The following CADM2 variants were observed in gnomAD, a reference collection of about 807,000 sequenced individuals.
CADM2 encodes cell adhesion molecule 2, also known as immunoglobulin superfamily member 4D.
Under a neutral mutation model 49.8 loss-of-function variants are expected in CADM2, and 12 were observed. The ratio of observed to expected loss-of-function variants is 0.24; its 90% CI spans 0.15 to 0.39. The LOEUF is 0.39. CADM2 is among the 10% of genes least tolerant of loss of function. CADM2 has a pLI of 1.00. For missense variants in CADM2, 378 were observed against 492.3 expected (o/e 0.77, Z 2.20); for synonymous variants, 214 against 175.4 (o/e 1.22, Z -1.74).
At chr3:85,535,881 C>T (rs535081690) in intron 1 of CADM2, among the ~76,000 whole-genome samples, 21 of 152,184 alleles carry the variant, frequency 1.4e-4, no homozygotes, top group Non-Finnish European at 1.9e-4. Flanking sequence ...AGGTAGCTGT[C>T]GTATGGTAAT....
chr3:85,432,471 G>A (rs902283823), intron 1 of CADM2, among the ~76,000 whole-genome samples: 2 of 152,090 alleles, frequency 1.3e-5, no homozygotes, highest in African/African-American at 2.4e-5. Context: ...CCCTCAAATC[G>A]TGAGAAGGGT....
At chr3:85,448,429 TC>T (rs1280510503) in intron 1 of CADM2, among the ~76,000 whole-genome samples, 2 of 152,066 alleles carry the variant, frequency 1.3e-5, no homozygotes, top group Admixed American at 6.5e-5. Flanking sequence ...GATATTTAAA[TC>T]GTTGTTCTGC....
chr3:85,500,019 CTT>C (rs2040051386), intron 1 of CADM2, among the ~76,000 whole-genome samples: 1 of 152,162 alleles, frequency 6.6e-6, no homozygotes, highest in South Asian at 2.1e-4. Context: ...GATAGAAAGA[CTT>C]GGCCTATTGA....
intron 2 of CADM2, among the ~76,000 whole-genome samples, chr3:85,753,408 G>T (rs1276966910): frequency 6.6e-6 from 1 of 152,080 alleles, no homozygotes; most frequent in East Asian, 1.9e-4. Context: ...AAATGTGATT[G>T]CAAGAAGAAA....
intron 1 of CADM2, among the ~76,000 whole-genome samples, chr3:85,172,939 A>G (rs1417607460): frequency 1.4e-5 from 2 of 146,892 alleles, no homozygotes; most frequent in Non-Finnish European, 3.0e-5. Context: ...AATATATTAT[A>G]TAATATAATA....
intron 1 of CADM2, among the ~76,000 whole-genome samples, chr3:85,589,028 A>G (rs1235153875): frequency 2.0e-5 from 3 of 152,050 alleles, no homozygotes; most frequent in Non-Finnish European, 4.4e-5. Context: ...GTCAAAGGCT[A>G]TGCATTATGT....
intron 1 of CADM2, among the ~76,000 whole-genome samples, chr3:85,290,028 A>C (rs918048303): frequency 6.6e-6 from 1 of 152,168 alleles, no homozygotes; most frequent in Non-Finnish European, 1.5e-5. Flanking sequence ...CATCTGAGGT[A>C]CTGGTTTCAT....
At chr3:85,518,404 C>T (rs1324769614) in intron 1 of CADM2, among the ~76,000 whole-genome samples, 2 of 150,204 alleles carry the variant, frequency 1.3e-5, no homozygotes, top group Non-Finnish European at 2.9e-5. Flanking sequence ...ACCAACATTT[C>T]GTTTAAAACA....
intron 6 of CADM2, among the ~76,000 whole-genome samples, chr3:85,926,956 A>T (rs1719957258): frequency 6.6e-6 from 1 of 152,136 alleles, no homozygotes; most frequent in Non-Finnish European, 1.5e-5. Context: ...AAACTCATTG[A>T]AATGTGATTA....
intron 1 of CADM2, among the ~76,000 whole-genome samples, chr3:85,305,738 T>G (rs1051456224): frequency 6.6e-6 from 1 of 151,666 alleles, no homozygotes; most frequent in South Asian, 2.1e-4. Context: ...AATCTTCTCT[T>G]TTTTTCAGAG....
At chr3:85,923,664 C>T (rs536925763) in intron 6 of CADM2, among the ~76,000 whole-genome samples, 18 of 152,100 alleles carry the variant, frequency 1.2e-4, no homozygotes, top group African/African-American at 4.1e-4. Flanking sequence ...CCTATAAGCA[C>T]ATAAGGATTA....
At chr3:85,515,632 T>TATA (rs1491095321) in intron 1 of CADM2, among the ~76,000 whole-genome samples, 64 of 94,272 alleles carry the variant, frequency 6.8e-4, no homozygotes, top group African/African-American at 2.9e-3. Flanking sequence ...TATATATATA[T>TATA]TTTTTTTTTT....
At chr3:85,460,379 A>G (rs954460900) in intron 1 of CADM2, among the ~76,000 whole-genome samples, 4 of 152,166 alleles carry the variant, frequency 2.6e-5, no homozygotes, top group Admixed American at 6.5e-5. Context: ...GCTTACATAA[A>G]TTAATAATTG....
At chr3:85,517,613 G>A (rs2060935562) in intron 1 of CADM2, among the ~76,000 whole-genome samples, 1 of 149,374 alleles carries the variant, frequency 6.7e-6, no homozygotes, top group Admixed American at 6.6e-5. Flanking sequence ...ACTCAATTTT[G>A]TTAGATTTTA....
intron 2 of CADM2, among the ~76,000 whole-genome samples, chr3:85,738,970 C>T (rs1023594293): frequency 2.3e-4 from 35 of 152,132 alleles, no homozygotes; most frequent in Admixed American, 4.6e-4. Flanking sequence ...ATTGATTCCA[C>T]CACTTAACAG....
At chr3:85,217,327 A>G (rs1487314890) in intron 1 of CADM2, among the ~76,000 whole-genome samples, 1 of 151,894 alleles carries the variant, frequency 6.6e-6, no homozygotes, top group African/African-American at 2.4e-5. Context: ...TAGGATTGAA[A>G]TTAAGTTAGA....
At chr3:85,534,795 T>C (rs17516504) in intron 1 of CADM2, among the ~76,000 whole-genome samples, 77,911 of 152,048 alleles carry the variant, frequency 0.51, 23,049 homozygotes, top group East Asian at 0.85. Flanking sequence ...TTTCAAGGTC[T>C]CTATCTTCTA....
At chr3:85,809,656 C>A (rs1036167355) in intron 3 of CADM2, among the ~76,000 whole-genome samples, 13 of 142,932 alleles carry the variant, frequency 9.1e-5, no homozygotes, top group African/African-American at 3.4e-4. Context: ...GAAACATTTT[C>A]TCCCTTCCTT....
rs1462497649 is a variant in CADM2, at chr3:86,026,997, A to G, written c.971-38608A>G. 5.3e-5 allele frequency among the ~76,000 whole-genome samples: 8 copies of G among 152,206 alleles called. No homozygotes were observed. The East Asian group carries it at 1.3e-3, about 26-fold the overall frequency. Reference sequence around the variant, plus strand: ...GAGAAAATGGACTTTGATTATTTTCAAAAGGATATTAGATTTATAATACTC... The same window carrying G: ...GAGAAAATGGACTTTGATTATTTTCGAAAGGATATTAGATTTATAATACTC... On this transcript the variant is annotated intron_variant, in intron 8 of 9. Coordinates refer to ENST00000383699, the MANE Select transcript of CADM2 (RefSeq NM_001167675.2).
Sources: gnomAD v4.1 joint callset for allele counts (sites outside exome capture counted in the v4.1 genomes callset) on GRCh38, gnomAD v4.1.1 for gene constraint, MANE v1.5 for transcripts, NCBI Gene and HGNC (gene_info 2026-07-23, HGNC 2026-07-21) for gene names.